Variants in BEND5 observed in about 807,000 individuals in gnomAD.
BEND5 encodes the protein BEN domain containing 5, also known as BEN domain-containing protein 5.
A neutral mutation model predicts 43.9 loss-of-function variants in BEND5; 22 were observed. That is an observed-to-expected ratio of 0.50 (90% confidence interval 0.36 to 0.72). BEND5 has a LOEUF of 0.72. BEND5 is among the 30% of genes least tolerant of loss of function. BEND5 has a pLI of 0.00. For missense variants in BEND5, 428 were observed against 550.6 expected, an observed-to-expected ratio of 0.78 and a Z score of 2.23; for synonymous variants, 228 against 225.9, an observed-to-expected ratio of 1.01 and a Z score of -0.08.
chr1:48,770,186 C>T (rs1168288741), intron 1 of BEND5, among the ~76,000 whole-genome samples: 1 of 152,156 alleles, frequency 6.6e-6, no homozygotes, highest in African/African-American at 2.4e-5. Context: ...CTCTGTGGTG[C>T]AAAACTGAGA....
At chr1:48,772,058 A>C (rs1376861677) in intron 1 of BEND5, among the ~76,000 whole-genome samples, 1 of 152,234 alleles carries the variant, frequency 6.6e-6, no homozygotes, top group Non-Finnish European at 1.5e-5. Flanking sequence ...CTGTCTTCCC[A>C]AAGTTGATGA....
At chr1:48,761,604 A>C in intron 1 of BEND5, 134 bp from the exon 2 acceptor site, 5 of 920,058 alleles carry the variant, frequency 5.4e-6, no homozygotes, top group Non-Finnish European at 8.0e-6. Context: ...AAACAGACTC[A>C]AGGCTGGTTC....
intron 3 of BEND5, among the ~76,000 whole-genome samples, chr1:48,746,338 C>A (rs1381858616): frequency 6.6e-6 from 1 of 152,154 alleles, no homozygotes; most frequent in African/African-American, 2.4e-5. Context: ...GAAACAGAGG[C>A]CCTGCTGTTC....
chr1:48,728,365 AC>A (rs1325009970), intron 5 of BEND5, among the ~76,000 whole-genome samples: 1 of 148,232 alleles, frequency 6.7e-6, no homozygotes, highest in Non-Finnish European at 1.5e-5. Flanking sequence ...ATTCTCCTGA[AC>A]TTTTGCCTTT....
intron 5 of BEND5, among the ~76,000 whole-genome samples, chr1:48,733,195 T>C (rs547259268): frequency 2.6e-5 from 4 of 152,136 alleles, no homozygotes; most frequent in Non-Finnish European, 5.9e-5. Context: ...TTCTTTGCTT[T>C]TGTAAGAAAT....
intron 3 of BEND5, among the ~76,000 whole-genome samples, chr1:48,757,580 A>G (rs1644006681): frequency 6.6e-6 from 1 of 152,144 alleles, no homozygotes; most frequent in African/African-American, 2.4e-5. Flanking sequence ...TCCCAATGTC[A>G]TTTCCTTTTC....
chr1:48,730,192 C>A (rs988690159), intron 5 of BEND5, among the ~76,000 whole-genome samples: 1 of 152,162 alleles, frequency 6.6e-6, no homozygotes, highest in Non-Finnish European at 1.5e-5. Context: ...TTGTTTCCCC[C>A]CAACAGACTG....
chr1:48,776,780 C>A lies in BEND5; in HGVS notation c.52G>T (p.Val18Leu), dbSNP rs1426023932. ...LEDNVCYALPVSCVRDFSPRS... is the reference protein window; with the variant it reads ...LEDNVCYALPLSCVRDFSPRS... ...GGGCTGAAGTCGCGCACGCACGACA[C>A]GGGCAGCGCGTAGCAGACGTTGTCC... The change falls in exon 1 of 6, where the codon GTG becomes TTG. Residue 18 changes from valine to leucine, a missense_variant. Physicochemically the swap from Val to Leu is conservative, Grantham distance 32. Coordinates refer to ENST00000371833, the MANE Select transcript of BEND5 (RefSeq NM_024603.4). The A allele has an allele frequency of 3.9e-6, 6 of 1,523,692 alleles. No homozygotes were observed. The highest frequency in any genetic ancestry group is 4.2e-5 in the Admixed American group (2 of 47,878). 94.4% of individuals were successfully genotyped at this position (1,523,692 alleles called of 1,614,324 possible).
Position 48,739,268 on chromosome 1 carries a change from T to C in BEND5, c.895-2816A>G, listed in dbSNP as rs569483584. On this transcript the variant is annotated intron_variant, in intron 4 of 5. Transcript: ENST00000371833. The stretch of plus-strand genomic sequence containing the variant: ...CATCCTATAATCACGACAGATTAAG[T>C]TCCCTAAAATACCTCCTTCCTTATT... Among the ~76,000 whole-genome samples, 16 of 152,302 alleles carry C rather than the reference T, an allele frequency of 1.1e-4. No homozygotes were observed. In the East Asian group the frequency reaches 3.1e-3, roughly 29 times the overall value.
rs1434541772 is a variant in BEND5, at chr1:48,727,991, T to A, written c.1161A>T (p.Ala387=). 1 of 1,612,760 alleles carries A rather than the reference T, an allele frequency of 6.2e-7. No homozygotes were observed. Among genetic ancestry groups the A allele is most frequent in the East Asian group, 2.2e-5 (1 of 44,850 alleles). Residue 387 remains alanine (A), a synonymous_variant, in exon 6 of 6, where the codon GCA becomes GCT. Transcript: ENST00000371833. ...ACTTGTTGACTTTGGAGAGTCTCTG[T>A]GCAATTTCAGTTTCATCCACAGTTT... The part of the protein sequence containing the change: ...AQETVDETEI[A]QRLSKVNKYI...
At chr1:48,740,813 G>A (rs973211033) in intron 4 of BEND5, among the ~76,000 whole-genome samples, 1 of 152,198 alleles carries the variant, frequency 6.6e-6, no homozygotes, top group Non-Finnish European at 1.5e-5. Context: ...CTGGGATGTG[G>A]AGATGCTGTT....
chr1:48,732,365 T>C (rs1413446951), intron 5 of BEND5, among the ~76,000 whole-genome samples: 1 of 152,218 alleles, frequency 6.6e-6, no homozygotes. Context: ...TTGGGAATCA[T>C]CATTCATTGA....
Position 48,758,870 on chromosome 1 carries a change from GA to G in BEND5, c.745+29del, listed in dbSNP as rs369658674. On this transcript the variant is annotated intron_variant, in intron 3 of 5. Coordinates refer to ENST00000371833, the MANE Select transcript of BEND5 (RefSeq NM_024603.4). ...CTGCATGAAGTATTTCACCCAAGTG[GA>G]GTGGTAGGTGACCTGCTGGGGCACT... 6 of 1,470,732 alleles carry G rather than the reference GA, an allele frequency of 4.1e-6. No homozygotes were observed. The African/African-American group carries it at 7.1e-5, about 17-fold the overall frequency. 91.1% of individuals were successfully genotyped at this position (1,470,732 alleles called of 1,614,324 possible). A position where few individuals can be genotyped will look rare whatever the true frequency, so the allele number is the denominator to read the frequency against.
At position 48,758,960 on chromosome 1, in the gene BEND5, T is replaced by A; in HGVS notation, c.685A>T (p.Lys229Ter). 1 of 1,603,678 alleles carries A rather than the reference T, an allele frequency of 6.2e-7. No homozygotes were observed. The highest frequency in any genetic ancestry group is 8.5e-7 in the Non-Finnish European group (1 of 1,175,572). ...CTCCGGTTAAGGTCACGGAGCTCCTTCATTTCAGACACAAGTGCCCCGTAC... is the reference window on the plus strand; with the variant it reads ...CTCCGGTTAAGGTCACGGAGCTCCTACATTTCAGACACAAGTGCCCCGTAC... ...KEYGALVSEMKELRDLNRRLQ... is the reference protein window; with the variant it reads ...KEYGALVSEM The change falls in exon 3 of 6, where the codon AAG (lysine) becomes TAG (stop). Residue 229 changes from lysine (K) to a stop codon, truncating the protein, a stop_gained. Transcript: ENST00000371833. LOFTEE classifies it high-confidence loss of function.
chr1:48,738,253 GT>G (rs1233122037), intron 4 of BEND5, among the ~76,000 whole-genome samples: 1 of 152,138 alleles, frequency 6.6e-6, no homozygotes, highest in Non-Finnish European at 1.5e-5. Flanking sequence ...CTACCTGCAC[GT>G]CTGACTTCAC....
chr1:48,747,975 G>A (rs4926751), intron 3 of BEND5, among the ~76,000 whole-genome samples: 149,928 of 152,270 alleles, frequency 0.98, 73,845 homozygotes, highest in East Asian at 1. Context: ...TCTGTAAGTA[G>A]ATAGGAAGTT....
intron 1 of BEND5, among the ~76,000 whole-genome samples, chr1:48,765,126 T>C (rs1644468011): frequency 6.6e-6 from 1 of 152,238 alleles, no homozygotes; most frequent in Admixed American, 6.5e-5. Flanking sequence ...ACATCCTACC[T>C]ACCTTCTTTG....
intron 4 of BEND5, among the ~76,000 whole-genome samples, chr1:48,740,200 G>C (rs1188065461): frequency 1.3e-5 from 2 of 152,204 alleles, no homozygotes; most frequent in African/African-American, 2.4e-5. Flanking sequence ...ACAGGTATAG[G>C]CCGGGGCATT....
intron 5 of BEND5, among the ~76,000 whole-genome samples, chr1:48,731,303 A>G (rs1648087574): frequency 6.6e-6 from 1 of 152,198 alleles, no homozygotes; most frequent in Non-Finnish European, 1.5e-5. Flanking sequence ...ATATTTCAGT[A>G]ATACAAGAAA....
Sources: gnomAD v4.1 joint callset for allele counts (sites outside exome capture counted in the v4.1 genomes callset) on GRCh38, gnomAD v4.1.1 for gene constraint, MANE v1.5 for transcripts, NCBI Gene and HGNC (gene_info 2026-07-23, HGNC 2026-07-21) for gene names.